The following ARSF variants were observed in gnomAD, a reference collection of about 807,000 sequenced individuals.
ARSF encodes arylsulfatase F.
ARSF carries 33 observed loss-of-function variants against 35.4 expected under a neutral mutation model. The ratio of observed to expected loss-of-function variants is 0.93; its 90% CI spans 0.71 to 1.25. The LOEUF (loss-of-function observed/expected upper bound fraction) is 1.25, where lower values mean the gene tolerates loss of function less well. ARSF is among the 50% of genes most tolerant of loss of function. The pLI is 0.00. For synonymous variants in ARSF, 222 were observed against 193.1 expected (o/e 1.15, Z -1.24); for missense variants, 501 against 480.2 (o/e 1.04, Z -0.40).
chrX:3,089,143 G>C (rs2090270122), intron 6 of ARSF, among the ~76,000 whole-genome samples: 1 of 112,014 alleles, frequency 8.9e-6, no homozygotes. Flanking sequence ...GAACAAATAG[G>C]TACCAAACAA....
At chrX:3,042,250 ATAACT>A (rs1371415948) in intron 1 of ARSF, among the ~76,000 whole-genome samples, 2 of 112,196 alleles carry the variant, frequency 1.8e-5, no homozygotes, top group African/African-American at 6.5e-5. Flanking sequence ...TAACAGGGAA[ATAACT>A]TTAAATGATG....
At chrX:3,103,654 C>G in intron 8 of ARSF, 108 bp from the exon 9 acceptor site, 1 of 935,483 alleles carries the variant, frequency 1.1e-6, no homozygotes, top group Non-Finnish European at 1.5e-6. Flanking sequence ...AGAGTAGACA[C>G]TATACAAATG....
At chrX:3,093,484 A>G (rs1186480784) in intron 7 of ARSF, among the ~76,000 whole-genome samples, 1 of 110,219 alleles carries the variant, frequency 9.1e-6, no homozygotes, top group Admixed American at 9.7e-5. Context: ...CCAATGTTTA[A>G]CTCCCACTTA....
At chrX:3,070,797 G>A (rs2147493372) in intron 2 of ARSF, among the ~76,000 whole-genome samples, 1 of 111,153 alleles carries the variant, frequency 9.0e-6, no homozygotes, top group Admixed American at 9.6e-5. Context: ...TCATAGCTTA[G>A]CTCCCACTTA....
At chrX:3,050,504 C>A (rs2089992589) in intron 1 of ARSF, among the ~76,000 whole-genome samples, 1 of 107,299 alleles carries the variant, frequency 9.3e-6, no homozygotes, top group African/African-American at 3.4e-5. Flanking sequence ...AGAGATCATG[C>A]CATTGCACTC....
intron 10 of ARSF, among the ~76,000 whole-genome samples, chrX:3,111,216 C>T (rs2090443072): frequency 9.2e-6 from 1 of 108,851 alleles, no homozygotes. Flanking sequence ...CATAAGTGGT[C>T]ATGGCTAAAC....
At chrX:3,112,118 T>A (rs2090449102) in intron 10 of ARSF, 56 bp from the exon 11 acceptor site, 1 of 1,048,565 alleles carries the variant, frequency 9.5e-7, no homozygotes, top group Admixed American at 2.6e-5. Flanking sequence ...TAGGACTTCT[T>A]CCTTTGATCT....
At chrX:3,092,965 A>AGGAG (rs1163501110) in intron 7 of ARSF, among the ~76,000 whole-genome samples, 1 of 111,849 alleles carries the variant, frequency 8.9e-6, no homozygotes, top group East Asian at 2.8e-4. Flanking sequence ...GAGTTCAGGC[A>AGGAG]ATCAAAACCA....
chrX:3,102,052 C>G (rs1241113211), intron 8 of ARSF, among the ~76,000 whole-genome samples: 1 of 111,145 alleles, frequency 9.0e-6, no homozygotes, highest in Non-Finnish European at 1.9e-5. Flanking sequence ...AATGTGTACT[C>G]TTTAGAGCGT....
chrX:3,100,335 A>G (rs958910780), intron 7 of ARSF, among the ~76,000 whole-genome samples: 3 of 112,431 alleles, frequency 2.7e-5, no homozygotes, highest in African/African-American at 9.7e-5. Context: ...TTCTGTGAGC[A>G]GAGAGGTTGC....
Position 3,112,662 on chromosome X carries a change from A to G in ARSF, c.*106A>G. On this transcript the variant is annotated 3_prime_UTR_variant, in exon 11 of 11. Coordinates refer to ENST00000381127, the MANE Select transcript of ARSF (RefSeq NM_001201539.2). ...CTTTGGTGCTTTCAAGTTGGCAAGGAGTGCATTTAATAGTCAATAAATTCA... is the reference window on the plus strand; with the variant it reads ...CTTTGGTGCTTTCAAGTTGGCAAGGGGTGCATTTAATAGTCAATAAATTCA... 9.5e-7 allele frequency: 1 copy of G among 1,047,127 alleles called. No homozygotes were observed. The highest frequency in any genetic ancestry group is 1.2e-6 in the Non-Finnish European group (1 of 806,477). 86.3% of individuals were successfully genotyped at this position (1,047,127 alleles called of 1,213,427 possible). A position where few individuals can be genotyped will look rare whatever the true frequency, so the allele number is the denominator to read the frequency against.
Position 3,076,552 on chromosome X carries a change from C to T in ARSF, c.166C>T (p.Pro56Ser), listed in dbSNP as rs1271437506. The change falls in exon 4 of 11, where the codon CCT becomes TCT. Residue 56 changes from proline (P) to serine (S), a missense_variant. Transcript: ENST00000381127. Reference sequence around the variant, plus strand: ...ACCTTCCCTCTCCCCCTTCAGGACGCCTCACATCGACCGCCTTGCCAGGGA... The same window carrying T: ...ACCTTCCCTCTCCCCCTTCAGGACGTCTCACATCGACCGCCTTGCCAGGGA... ...GCYGNDTMRT[P>S]HIDRLAREGV... 2.5e-6 allele frequency: 3 copies of T among 1,201,150 alleles called. No homozygotes were observed. The Admixed American group carries it at 6.8e-5, about 27-fold the overall frequency.
intron 4 of ARSF, among the ~76,000 whole-genome samples, chrX:3,079,460 T>A (rs1339884206): frequency 6.6e-5 from 7 of 106,066 alleles, no homozygotes; most frequent in African/African-American, 2.4e-4. Flanking sequence ...TTCTCCTGCC[T>A]CAGCCTCCTG....
intron 1 of ARSF, among the ~76,000 whole-genome samples, chrX:3,064,707 C>A (rs1429723885): frequency 8.9e-6 from 1 of 112,068 alleles, no homozygotes; most frequent in East Asian, 2.8e-4. Flanking sequence ...AAAAAATGCT[C>A]ACCATCACTG....
chrX:3,065,273 C>T lies in ARSF; in HGVS notation c.-28-2800C>T, dbSNP rs1248548666. Among the ~76,000 whole-genome samples, 5 of 48,567 alleles carry T rather than the reference C, an allele frequency of 1.0e-4. 1 individual carries two copies. Among genetic ancestry groups the T allele is most frequent in the East Asian group, 1.3e-3 (2 of 1,516 alleles). The allele number at this position is 48,567 out of a possible 115,157, so 42.2% of individuals were successfully genotyped here. On this transcript the variant is annotated intron_variant, in intron 1 of 10. Coordinates refer to ENST00000381127, the MANE Select transcript of ARSF (RefSeq NM_001201539.2). Reference sequence around the variant, plus strand: ...ACACAGGGTGGGGGACATCACACACCGGGCCTGTTGTGGGGTGGGGGGTTG... The same window carrying T: ...ACACAGGGTGGGGGACATCACACACTGGGCCTGTTGTGGGGTGGGGGGTTG...
At chrX:3,090,755 T>G (rs1355459514) in intron 7 of ARSF, among the ~76,000 whole-genome samples, 2 of 112,213 alleles carry the variant, frequency 1.8e-5, no homozygotes, top group Admixed American at 1.9e-4. Flanking sequence ...TCTATGTTGC[T>G]GCAAAGGACA....
rs2090394559 is a variant in ARSF at position 3,103,750 on chromosome X, ATTGTC to A, written c.1103-9_1103-5del. 3.3e-6 allele frequency: 4 copies of A among 1,207,145 alleles called. No homozygotes were observed. The highest frequency in any genetic ancestry group is 4.5e-6 in the Non-Finnish European group (4 of 893,911). The stretch of plus-strand genomic sequence containing the variant: ...AGGCACAATAATTGAACTTAATTGC[ATTGTC>A]TTATAGGTGGAAAAGGCATGGGGGG... On this transcript the variant is annotated splice_polypyrimidine_tract_variant and splice_region_variant and intron_variant, in intron 8 of 10. Coordinates refer to ENST00000381127, the MANE Select transcript of ARSF (RefSeq NM_001201539.2).
intron 7 of ARSF, among the ~76,000 whole-genome samples, chrX:3,093,083 G>A (rs751811459): frequency 1.3e-4 from 14 of 110,520 alleles, no homozygotes; most frequent in Non-Finnish European, 2.3e-4. Context: ...GGAGAATGGC[G>A]TGAACCTGGG....
rs200506009 is a variant in ARSF at position 3,076,105 on chromosome X, TTCTC to T, written c.162-435_162-432del. On this transcript the variant is annotated intron_variant, in intron 3 of 10. Transcript: ENST00000381127. ...TCTCTTTCCATCTCTCTCTTTCTGT[TTCTC>T]TCTCTCTGTCTTTCTCTCTCTCTCT... Among the ~76,000 whole-genome samples, 177 of 107,115 alleles carry T rather than the reference TTCTC, an allele frequency of 1.7e-3. No individual in the cohort carries two copies. The East Asian group carries it at 0.024, about 15-fold the overall frequency. The allele number at this position is 107,115 out of a possible 115,157, so 93.0% of individuals were successfully genotyped here.
Sources: gnomAD v4.1 joint callset for allele counts (sites outside exome capture counted in the v4.1 genomes callset) on GRCh38, gnomAD v4.1.1 for gene constraint, MANE v1.5 for transcripts, NCBI Gene and HGNC (gene_info 2026-07-23, HGNC 2026-07-21) for gene names.